The following COL9A3 variants were observed in gnomAD, a reference collection of about 807,000 sequenced individuals.
COL9A3 encodes collagen alpha-3(IX) chain.
Under a neutral mutation model 110.2 loss-of-function variants are expected in COL9A3, and 82 were observed. The ratio of observed to expected loss-of-function variants is 0.74; its 90% CI spans 0.62 to 0.89. The LOEUF is 0.89. COL9A3 is among the 40% of genes least tolerant of loss of function. The pLI, the probability that COL9A3 is intolerant of heterozygous loss-of-function variation, is 0.00. For synonymous variants in COL9A3, 494 were observed against 403.8 expected (o/e 1.22, Z -2.68); for missense variants, 1,066 against 981.3 (o/e 1.09, Z -1.15).
intron 29 of COL9A3, 102 bp from the exon 30 acceptor site, chr20:62,836,981 T>G (rs996101550): frequency 2.1e-6 from 3 of 1,448,380 alleles, no homozygotes; most frequent in Admixed American, 1.7e-5. Context: ...AAGGAAAACT[T>G]GCTTCTGGAA....
In COL9A3 at chr20:62,825,003, C is replaced by G; in HGVS notation, c.612C>G (p.Val204=). 3 of 1,609,298 alleles carry G rather than the reference C, an allele frequency of 1.9e-6. No individual in the cohort carries two copies. Among genetic ancestry groups the G allele is most frequent in the Non-Finnish European group, 2.5e-6 (3 of 1,179,042 alleles). ...GCTACAAAGGCGAGCAGGGGGAAGT[C>G]GGCAAGGACGGCGAGAAGGTGAAGC... ...PTGYKGEQGE[V]GKDGEKGDPG... is the part of the protein sequence containing the mutation. Residue 204 remains valine (V), a synonymous_variant, in exon 12 of 32, where the codon GTC becomes GTG. Coordinates refer to ENST00000649368, the MANE Select transcript of COL9A3 (RefSeq NM_001853.4).
rs3765462 is a variant in COL9A3, at chr20:62,836,349, G to A, written c.1548+16G>A. On this transcript the variant is annotated intron_variant, in intron 28 of 31. Coordinates refer to ENST00000649368, the MANE Select transcript of COL9A3 (RefSeq NM_001853.4). Reference sequence around the variant, plus strand: ...GGGAGTTCCGGTACGTCGCTTTTCCGGCTTTTCCAGCTTTCACAGGGTTGA... The same window carrying A: ...GGGAGTTCCGGTACGTCGCTTTTCCAGCTTTTCCAGCTTTCACAGGGTTGA... The A allele has an allele frequency of 0.022, 35,482 of 1,613,744 alleles. 960 individuals are homozygous for A. The highest frequency in any genetic ancestry group is 0.15 in the East Asian group (6,617 of 44,880).
At chr20:62,827,495 A>G (rs1005950499) in intron 16 of COL9A3, among the ~76,000 whole-genome samples, 1 of 152,074 alleles carries the variant, frequency 6.6e-6, no homozygotes, top group African/African-American at 2.4e-5. Flanking sequence ...CCAGAGCCAC[A>G]TGGGAGCTCT....
rs1398767423 is a variant in COL9A3 at position 62,828,931 on chromosome 20, T to C, written c.963T>C (p.Ala321=). 1 of 1,611,942 alleles carries C rather than the reference T, an allele frequency of 6.2e-7. No individual in the cohort carries two copies. The change falls in exon 19 of 32, where the codon GCT becomes GCC. Residue 321 remains alanine, a synonymous_variant. Coordinates refer to ENST00000649368, the MANE Select transcript of COL9A3 (RefSeq NM_001853.4). ...AATCTCTGTCCTCACAGGGAGAGGCTGGTCGCAACGGTGCTCCGGGAGAGA... is the reference window on the plus strand; with the variant it reads ...AATCTCTGTCCTCACAGGGAGAGGCCGGTCGCAACGGTGCTCCGGGAGAGA... ...VPGLDGQKGE[A]GRNGAPGEKG...
rs1367494556 is a variant in COL9A3 at position 62,829,814 on chromosome 20, T to C, written c.1156T>C (p.Ser386Pro). The part of the protein sequence containing the change: ...GERGEAGHRG[S>P]AGALGPQGPP... ...GCGCGGTGAGGCTGGCCACCGGGGC[T>C]CAGCGGTGAGTGCAGGGACATGGCC... The change falls in exon 22 of 32, where the codon TCA (serine) becomes CCA (proline). Residue 386 changes from serine (S) to proline (P), a missense_variant. By Grantham distance (74) the Ser-to-Pro change is moderately conservative. Transcript: ENST00000649368. 1.9e-6 allele frequency: 3 copies of C among 1,570,928 alleles called. No individual in the cohort carries two copies. The highest frequency in any genetic ancestry group is 2.6e-6 in the Non-Finnish European group (3 of 1,159,128).
Position 62,821,411 on chromosome 20 carries a change from C to T in COL9A3, c.346-96C>T, listed in dbSNP as rs539098915. On this transcript the variant is annotated intron_variant, in intron 6 of 31. Coordinates refer to ENST00000649368, the MANE Select transcript of COL9A3 (RefSeq NM_001853.4). ...GACCAGACACCCATCCCTGGAACCGCCCTTTCCCCAGGACCCACCTGAGCC... is the reference window on the plus strand; with the variant it reads ...GACCAGACACCCATCCCTGGAACCGTCCTTTCCCCAGGACCCACCTGAGCC... The T allele has an allele frequency of 4.3e-5, 67 of 1,542,534 alleles. No individual in the cohort carries two copies. The East Asian group carries it at 1.2e-3, about 28-fold the overall frequency.
chr20:62,831,103 T>G (rs986480048), intron 24 of COL9A3: 1 of 152,314 alleles, frequency 6.6e-6, no homozygotes, highest in African/African-American at 2.4e-5. Flanking sequence ...AGCGGGTGTC[T>G]GCGGAGGCGC....
chr20:62,840,394 C>T (rs920384206), intron 31 of COL9A3, 148 bp from the exon 32 acceptor site: 17 of 772,164 alleles, frequency 2.2e-5, no homozygotes, highest in South Asian at 1.4e-4. Flanking sequence ...CTTTGTGTGC[C>T]GTTCCCTCGG....
At chr20:62,817,007 C>G (rs1200637406), upstream of COL9A3, 4 of 1,065,378 alleles carry the variant, frequency 3.8e-6, no homozygotes, top group Admixed American at 4.7e-5. Context: ...GCCCACCTCC[C>G]GCCCCGCCCG....
chr20:62,827,787 C>A (rs1193277333), intron 16 of COL9A3, 136 bp from the exon 17 acceptor site: 5 of 871,284 alleles, frequency 5.7e-6, no homozygotes, highest in African/African-American at 4.9e-5. Context: ...ACCCACAGGC[C>A]CCAGGGTGGT....
chr20:62,837,539 T>C (rs1355023124), intron 30 of COL9A3, among the ~76,000 whole-genome samples: 1 of 152,242 alleles, frequency 6.6e-6, no homozygotes, highest in Non-Finnish European at 1.5e-5. Flanking sequence ...CTGGGCGCGG[T>C]GGCTCACGCC....
chr20:62,829,551 G>C, intron 20 of COL9A3, 52 bp downstream of exon 20: 1 of 1,604,322 alleles, frequency 6.2e-7, no homozygotes, highest in Non-Finnish European at 8.5e-7. Context: ...GGGGCCGGGA[G>C]GCAAGGGGCT....
At chr20:62,833,650 G>A (rs935725686) in intron 26 of COL9A3, among the ~76,000 whole-genome samples, 20 of 151,966 alleles carry the variant, frequency 1.3e-4, no homozygotes, top group African/African-American at 4.8e-4. Flanking sequence ...TGATCATCCC[G>A]CCTTGGTCTC....
Position 62,824,313 on chromosome 20 carries a change from C to CGTG in COL9A3, c.520-132_520-131insGTG, listed in dbSNP as rs1568752407. ...GAGTGGCCTCCTGGGGTCCTGTCAC[C>CGTG]ATGAGGAGTGGCCTCCCGGGGTCCC... On this transcript the variant is annotated intron_variant, in intron 10 of 31. Coordinates refer to ENST00000649368, the MANE Select transcript of COL9A3 (RefSeq NM_001853.4). The CGTG allele has an allele frequency of 2.1e-5, 19 of 902,180 alleles. No homozygotes were observed. In the African/African-American group the frequency reaches 3.0e-4, roughly 14 times the overall value. 55.9% of individuals were successfully genotyped at this position (902,180 alleles called of 1,614,324 possible).
Position 62,824,440 on chromosome 20 carries a change from G to T in COL9A3, c.520-5G>T. Reference sequence around the variant, plus strand: ...GAGGGGTCTGACTGCTCTGTTTTCCGACAGTGCCCAAGTATCTGCCCGCCA... The same window carrying T: ...GAGGGGTCTGACTGCTCTGTTTTCCTACAGTGCCCAAGTATCTGCCCGCCA... On this transcript the variant is annotated splice_region_variant and splice_polypyrimidine_tract_variant and intron_variant, in intron 10 of 31. Coordinates refer to ENST00000649368, the MANE Select transcript of COL9A3 (RefSeq NM_001853.4). 1 of 1,600,482 alleles carries T rather than the reference G, an allele frequency of 6.2e-7. No individual in the cohort carries two copies. The highest frequency in any genetic ancestry group is 8.5e-7 in the Non-Finnish European group (1 of 1,174,116).
intron 31 of COL9A3, 87 bp from the exon 32 acceptor site, chr20:62,840,455 G>C: frequency 1.6e-6 from 2 of 1,244,864 alleles, no homozygotes; most frequent in East Asian, 4.6e-5. Flanking sequence ...GCAGATGGAA[G>C]AGCAGGGCTT....
chr20:62,824,859 C>T, intron 11 of COL9A3, 109 bp from the exon 12 acceptor site: 1 of 1,189,526 alleles, frequency 8.4e-7, no homozygotes, highest in Non-Finnish European at 1.2e-6. Context: ...CTGTGCGCTG[C>T]CGTGTGGCGG....
At chr20:62,836,784 G>A (rs2063640302) in intron 29 of COL9A3, 2 of 623,852 alleles carry the variant, frequency 3.2e-6, no homozygotes, top group South Asian at 1.9e-5. Context: ...CCTAAAGCCT[G>A]CTGAATGCAA....
intron 31 of COL9A3, among the ~76,000 whole-genome samples, chr20:62,839,546 G>A (rs916302899): frequency 4.0e-5 from 6 of 151,684 alleles, no homozygotes; most frequent in Non-Finnish European, 5.9e-5. Flanking sequence ...GAAGGATCCC[G>A]AACAGTCTTC....
Sources: gnomAD v4.1 joint callset for allele counts (sites outside exome capture counted in the v4.1 genomes callset) on GRCh38, gnomAD v4.1.1 for gene constraint, MANE v1.5 for transcripts, NCBI Gene and HGNC (gene_info 2026-07-23, HGNC 2026-07-21) for gene names.